Variants in PRKCA observed in about 807,000 individuals in gnomAD.
The protein encoded by PRKCA is protein kinase C alpha.
In PRKCA, 27 loss-of-function variants were observed where a neutral mutation model predicts 87.0. The ratio of observed to expected loss-of-function variants is 0.31; its 90% confidence interval spans 0.23 to 0.43. The LOEUF is 0.43. Among genes scored for constraint, PRKCA ranks in the 20% least tolerant of loss-of-function variants. PRKCA has a pLI of 1.00. For missense variants in PRKCA, 518 were observed against 852.3 expected (o/e 0.61, Z 4.88); for synonymous variants, 329 against 311.1 (o/e 1.06, Z -0.61).
chr17:66,744,657 A>G (rs565447560), intron 13 of PRKCA, among the ~76,000 whole-genome samples: 20 of 152,328 alleles, frequency 1.3e-4, no homozygotes, highest in Middle Eastern at 3.4e-3. Flanking sequence ...GCGGTTCGGT[A>G]TCATTCACGG....
rs190231914 is a variant in PRKCA, at chr17:66,453,488, T to C, written c.206-42713T>C. ...GCCCGCCACCATGCCCAGCTAATTT[T>C]TTGTGTTTTCAGTAGAAACGTGTTT... On this transcript the variant is annotated intron_variant, in intron 2 of 16. Coordinates refer to ENST00000413366, the MANE Select transcript of PRKCA (RefSeq NM_002737.3). Among the ~76,000 whole-genome samples, 105 of 152,094 alleles carry C rather than the reference T, an allele frequency of 6.9e-4. 1 individual carries two copies. Among genetic ancestry groups the C allele is most frequent in the African/African-American group, 2.5e-3 (102 of 41,506 alleles).
At chr17:66,765,759 G>A (rs1366124636) in intron 13 of PRKCA, among the ~76,000 whole-genome samples, 4 of 151,722 alleles carry the variant, frequency 2.6e-5, no homozygotes, top group African/African-American at 4.8e-5. Flanking sequence ...CCTAAGTCGT[G>A]TGTATCTGAA....
intron 13 of PRKCA, among the ~76,000 whole-genome samples, chr17:66,747,899 C>A (rs1036588316): frequency 1.3e-5 from 2 of 152,218 alleles, no homozygotes; most frequent in African/African-American, 4.8e-5. Flanking sequence ...CCCCCGAGTG[C>A]TGGGCACTGT....
In PRKCA at chr17:66,619,438, G is replaced by A. The variant is rs538452805; in HGVS notation, c.289-21917G>A. ...AGCAACAGCTGACGCCATCTACACG[G>A]GGCTGTTGGGTTTTTTCCTCTGGAA... On this transcript the variant is annotated intron_variant, in intron 3 of 16. Coordinates refer to ENST00000413366, the MANE Select transcript of PRKCA (RefSeq NM_002737.3). Among the ~76,000 whole-genome samples, 103 of 152,278 alleles carry A rather than the reference G, an allele frequency of 6.8e-4. 2 individuals are homozygous for A. In the Middle Eastern group the frequency reaches 0.027, roughly 40 times the overall value.
chr17:66,424,859 C>T (rs952346447), intron 2 of PRKCA, among the ~76,000 whole-genome samples: 1 of 151,896 alleles, frequency 6.6e-6, no homozygotes, highest in South Asian at 2.1e-4. Context: ...AAGCGATTCT[C>T]CCGCCTCAGC....
At position 66,773,969 on chromosome 17, in the gene PRKCA, G is replaced by T; in HGVS notation, c.1525-18G>T. On this transcript the variant is annotated intron_variant, in intron 13 of 16. Coordinates refer to ENST00000413366, the MANE Select transcript of PRKCA (RefSeq NM_002737.3). ...TGGACTTACCACTAATGTAATTGAT[G>T]TGTTTGTTTTCACACAGATAATCGC... 2 of 1,613,792 alleles carry T rather than the reference G, an allele frequency of 1.2e-6. No homozygotes were observed. The highest frequency in any genetic ancestry group is 1.7e-6 in the Non-Finnish European group (2 of 1,179,814).
chr17:66,551,704 A>G (rs565859984), intron 3 of PRKCA, among the ~76,000 whole-genome samples: 3 of 152,302 alleles, frequency 2.0e-5, no homozygotes, highest in Admixed American at 6.5e-5. Flanking sequence ...TTAGAGGGGA[A>G]CTCAGAGGCT....
intron 5 of PRKCA, among the ~76,000 whole-genome samples, chr17:66,662,938 A>T (rs1352505823): frequency 6.6e-6 from 1 of 152,108 alleles, no homozygotes; most frequent in Non-Finnish European, 1.5e-5. Flanking sequence ...ATCAGCTCTG[A>T]GCCCATTTGT....
intron 2 of PRKCA, among the ~76,000 whole-genome samples, chr17:66,410,340 T>C (rs2143737508): frequency 6.6e-6 from 1 of 152,272 alleles, no homozygotes; most frequent in East Asian, 1.9e-4. Context: ...ATGAATGAAC[T>C]CACAAATGGA....
intron 9 of PRKCA, among the ~76,000 whole-genome samples, chr17:66,734,178 C>T (rs1973967952): frequency 6.6e-6 from 1 of 152,160 alleles, no homozygotes; most frequent in African/African-American, 2.4e-5. Flanking sequence ...GAGGAGGGTT[C>T]TTGGACCTCA....
At chr17:66,765,216 C>T (rs900359812) in intron 13 of PRKCA, among the ~76,000 whole-genome samples, 1 of 151,718 alleles carries the variant, frequency 6.6e-6, no homozygotes, top group Non-Finnish European at 1.5e-5. Flanking sequence ...GAGTTCAAGA[C>T]CATCCTGGCC....
intron 16 of PRKCA, among the ~76,000 whole-genome samples, chr17:66,796,210 T>G (rs1975663907): frequency 6.6e-6 from 1 of 152,248 alleles, no homozygotes; most frequent in African/African-American, 2.4e-5. Flanking sequence ...CTACTCTTCA[T>G]GATCTTTTCT....
At chr17:66,587,479 T>C (rs1184035294) in intron 3 of PRKCA, among the ~76,000 whole-genome samples, 2 of 152,094 alleles carry the variant, frequency 1.3e-5, no homozygotes, top group Non-Finnish European at 2.9e-5. Flanking sequence ...AGTTCATTCA[T>C]TTTACTTGTT....
chr17:66,671,081 T>G (rs1361343761), intron 5 of PRKCA, among the ~76,000 whole-genome samples: 1 of 150,200 alleles, frequency 6.7e-6, no homozygotes, highest in African/African-American at 2.4e-5. Context: ...TGTGGTGGTG[T>G]GCGCCTGTAA....
At chr17:66,358,298 T>A (rs1908184958) in intron 2 of PRKCA, among the ~76,000 whole-genome samples, 1 of 152,142 alleles carries the variant, frequency 6.6e-6, no homozygotes, top group African/African-American at 2.4e-5. Flanking sequence ...AACTCTTCCG[T>A]TGTAATTGAA....
At chr17:66,619,371 A>C (rs1728702541) in intron 3 of PRKCA, among the ~76,000 whole-genome samples, 1 of 152,222 alleles carries the variant, frequency 6.6e-6, no homozygotes, top group African/African-American at 2.4e-5. Context: ...CCTAAAGCCA[A>C]ATGCGTAGAT....
chr17:66,704,240 T>C (rs1475189253), intron 8 of PRKCA, among the ~76,000 whole-genome samples: 1 of 152,156 alleles, frequency 6.6e-6, no homozygotes, highest in Middle Eastern at 3.2e-3. Context: ...ACCACCACTA[T>C]TGATTTGGTT....
Position 66,641,333 on chromosome 17 carries a change from A to G in PRKCA, c.289-22A>G, listed in dbSNP as rs375264234. 5.9e-4 allele frequency: 932 copies of G among 1,570,570 alleles called. 1 individual carries two copies. The highest frequency in any genetic ancestry group is 7.7e-4 in the Non-Finnish European group (879 of 1,142,804). The stretch of plus-strand genomic sequence containing the variant: ...TGGTCCTTTCATGACTAAAATGAGC[A>G]TTGTGCTTCTTCTCCTCCCAGGACC... On this transcript the variant is annotated intron_variant, in intron 3 of 16. Transcript: ENST00000413366.
intron 2 of PRKCA, among the ~76,000 whole-genome samples, chr17:66,338,202 C>G (rs764012503): frequency 2.0e-5 from 3 of 152,084 alleles, no homozygotes; most frequent in African/African-American, 7.3e-5. Flanking sequence ...TTACACCATG[C>G]TTGAGGCTGC....
Sources: gnomAD v4.1 joint callset for allele counts (sites outside exome capture counted in the v4.1 genomes callset) on GRCh38, gnomAD v4.1.1 for gene constraint, MANE v1.5 for transcripts, NCBI Gene and HGNC (gene_info 2026-07-23, HGNC 2026-07-21) for gene names.